Variants in SYCE2 observed in about 807,000 individuals in gnomAD.
SYCE2 encodes the protein central element synaptonemal complex 1.
SYCE2 carries 3 observed loss-of-function variants against 27.9 expected under a neutral mutation model. The observed-to-expected ratio is 0.11, with a 90% CI of 0.05 to 0.28. The LOEUF (loss-of-function observed/expected upper bound fraction) is 0.28. Among genes scored for constraint, SYCE2 ranks in the 10% least tolerant of loss-of-function variants. The pLI is 1.00. For synonymous variants in SYCE2, 85 were observed against 100.7 expected, an observed-to-expected ratio of 0.84 and a Z score of 0.93; for missense variants, 207 against 263.5, an observed-to-expected ratio of 0.79 and a Z score of 1.48.
chr19:12,907,727 G>A (rs1217097457), intron 2 of SYCE2, among the ~76,000 whole-genome samples: 19 of 152,160 alleles, frequency 1.2e-4, no homozygotes, highest in Admixed American at 1.2e-3. Flanking sequence ...GGAGGCAGAG[G>A]TTGCAGTGAG....
intron 4 of SYCE2, 92 bp downstream of exon 4, chr19:12,900,368 C>A: frequency 7.0e-7 from 1 of 1,419,690 alleles, no homozygotes; most frequent in Non-Finnish European, 9.5e-7. Context: ...GGGGTCAGGG[C>A]TGGGTGCCTG....
At chr19:12,914,157 C>T (rs1221138492) in intron 2 of SYCE2, 1 of 152,244 alleles carries the variant, frequency 6.6e-6, no homozygotes, top group Non-Finnish European at 1.5e-5. Flanking sequence ...AAGGACAACA[C>T]AGAACTCATG....
intron 2 of SYCE2, among the ~76,000 whole-genome samples, chr19:12,908,515 AG>A (rs1016386183): frequency 6.6e-5 from 10 of 151,852 alleles, no homozygotes; most frequent in Non-Finnish European, 1.5e-4. Context: ...TAGTAGAGAC[AG>A]GGTTTCACCG....
At chr19:12,900,411 T>C (rs765747511) in intron 4 of SYCE2, 49 bp downstream of exon 4, 1 of 1,589,622 alleles carries the variant, frequency 6.3e-7, no homozygotes, top group Admixed American at 1.7e-5. Context: ...GGCTGGGCCA[T>C]CCCTGTCCTC....
At chr19:12,903,006 C>T (rs1181787863) in intron 3 of SYCE2, among the ~76,000 whole-genome samples, 2 of 142,036 alleles carry the variant, frequency 1.4e-5, no homozygotes, top group African/African-American at 5.2e-5. Flanking sequence ...CTACTCCAGC[C>T]TGGGCTGGGC....
intron 2 of SYCE2, among the ~76,000 whole-genome samples, 163 bp downstream of exon 2, chr19:12,918,059 T>C (rs1376648210): frequency 6.6e-6 from 1 of 151,500 alleles, no homozygotes; most frequent in Non-Finnish European, 1.5e-5. Flanking sequence ...GAGGTGGAGG[T>C]TGCAGTGAGC....
At position 12,918,382 on chromosome 19, in the gene SYCE2, G is replaced by A. The variant is rs1971177570; in HGVS notation, c.16-45C>T. On this transcript the variant is annotated intron_variant, in intron 1 of 5. Coordinates refer to ENST00000293695, the MANE Select transcript of SYCE2 (RefSeq NM_001105578.2). ...GGAGGCCAAGGAGGGAGGATGAGGA[G>A]TGAACAGATCGCCCTCCTGCCGACC... The A allele has an allele frequency of 5.1e-6, 8 of 1,557,632 alleles. 1 individual carries two copies. The East Asian group carries it at 1.3e-4, about 26-fold the overall frequency.
At chr19:12,918,396 C>G in intron 1 of SYCE2, 59 bp from the exon 2 acceptor site, 6 of 1,501,450 alleles carry the variant, frequency 4.0e-6, no homozygotes, top group South Asian at 1.1e-5. Flanking sequence ...ACAGATCGCC[C>G]TCCTGCCGAC....
At position 12,918,251 on chromosome 19, in the gene SYCE2, G is replaced by A. The variant is rs1207351961; in HGVS notation, c.102C>T (p.Cys34=). The A allele has an allele frequency of 3.7e-6, 6 of 1,614,126 alleles. No individual in the cohort carries two copies. Among genetic ancestry groups the A allele is most frequent in the African/African-American group, 1.3e-5 (1 of 75,028 alleles). ...CTGGCCCTCCACCAGCTTCCTCCTC[G>A]CAGTTCTCTTCCCACCGCGGATGCT... ...SKEHPRWEEN[C]EEEAGGGPAS... is the part of the protein sequence containing the mutation. The change falls in exon 2 of 6, where the codon TGC becomes TGT. Residue 34 remains cysteine (C), a synonymous_variant. Transcript: ENST00000293695.
At chr19:12,906,876 G>T (rs568335527) in intron 2 of SYCE2, among the ~76,000 whole-genome samples, 1 of 152,162 alleles carries the variant, frequency 6.6e-6, no homozygotes, top group South Asian at 2.1e-4. Flanking sequence ...GGGCAACAGA[G>T]TAAGACTTCG....
At chr19:12,903,691 T>A (rs769788857) in intron 3 of SYCE2, among the ~76,000 whole-genome samples, 8 of 151,936 alleles carry the variant, frequency 5.3e-5, no homozygotes, top group Non-Finnish European at 1.0e-4. Context: ...GGCCCCTATT[T>A]ATTTATTTTT....
intron 3 of SYCE2, 144 bp from the exon 4 acceptor site, chr19:12,900,792 C>A: frequency 1.3e-6 from 1 of 777,110 alleles, no homozygotes; most frequent in Non-Finnish European, 2.0e-6. Flanking sequence ...GCCTGTAACC[C>A]CAGCACTTTG....
At chr19:12,905,474 G>A (rs1970917858) in intron 2 of SYCE2, among the ~76,000 whole-genome samples, 1 of 151,466 alleles carries the variant, frequency 6.6e-6, no homozygotes. Context: ...TGGGACTACA[G>A]GCGCCCGCCA....
chr19:12,904,744 G>T, intron 2 of SYCE2, 78 bp from the exon 3 acceptor site: 1 of 1,526,982 alleles, frequency 6.5e-7, no homozygotes, highest in South Asian at 1.2e-5. Flanking sequence ...GCTCATGCCT[G>T]TAATCTCAGC....
rs748159256 is a variant in SYCE2, at chr19:12,900,103, T to C, written c.513A>G (p.Arg171=). The C allele has an allele frequency of 6.2e-7, 1 of 1,612,598 alleles. No individual in the cohort carries two copies. The highest frequency in any genetic ancestry group is 8.5e-7 in the Non-Finnish European group (1 of 1,179,654). ...CLQPEQSLRL[R]WGPDHSRGKS... The stretch of plus-strand genomic sequence containing the variant: ...TTCCCCTAGAGTGGTCTGGCCCCCA[T>C]CTGAGTCTTAGGCTCTGCTGTAAAA... Residue 171 remains arginine (R), a synonymous_variant, in exon 5 of 6, where the codon AGA becomes AGG. Coordinates refer to ENST00000293695, the MANE Select transcript of SYCE2 (RefSeq NM_001105578.2).
chr19:12,911,982 G>A (rs939517165), intron 2 of SYCE2, among the ~76,000 whole-genome samples: 7 of 151,256 alleles, frequency 4.6e-5, no homozygotes, highest in Admixed American at 1.3e-4. Context: ...CTGTCACCTA[G>A]GCTGGAGTGC....
At chr19:12,900,922 G>A (rs1970822019) in intron 3 of SYCE2, among the ~76,000 whole-genome samples, 1 of 152,116 alleles carries the variant, frequency 6.6e-6, no homozygotes. Context: ...GCTCACGCCT[G>A]TAATCCTAAC....
intron 3 of SYCE2, among the ~76,000 whole-genome samples, chr19:12,901,033 G>A (rs889066279): frequency 6.6e-6 from 1 of 152,126 alleles, no homozygotes; most frequent in East Asian, 1.9e-4. Context: ...GCCGGGCGAG[G>A]TGGCGGGCGC....
chr19:12,916,417 A>G (rs1317687588), intron 2 of SYCE2, among the ~76,000 whole-genome samples: 1 of 149,996 alleles, frequency 6.7e-6, no homozygotes, highest in Non-Finnish European at 1.5e-5. Flanking sequence ...GCTTATTCCT[A>G]CCTGAGGGAC....
Sources: gnomAD v4.1 joint callset for allele counts (sites outside exome capture counted in the v4.1 genomes callset) on GRCh38, gnomAD v4.1.1 for gene constraint, MANE v1.5 for transcripts, NCBI Gene and HGNC (gene_info 2026-07-23, HGNC 2026-07-21) for gene names.